PPP1R1C: variants seen among roughly 807,000 people sequenced by gnomAD.
PPP1R1C encodes protein phosphatase 1 regulatory subunit 1C.
PPP1R1C carries 15 observed loss-of-function variants against 17.4 expected under a neutral mutation model. That is an observed-to-expected ratio of 0.86 (90% CI 0.58 to 1.33). The LOEUF is 1.33. PPP1R1C is among the 40% of genes most tolerant of loss of function. The probability of loss-of-function intolerance (pLI) is 0.00; values close to 1 mark genes in which losing one functional copy is unlikely to be tolerated. For synonymous variants in PPP1R1C, 35 were observed against 43.1 expected (o/e 0.81, Z 0.73); for missense variants, 143 against 130.0 (o/e 1.10, Z -0.48).
chr2:182,066,432 T>C (rs1180397922), intron 4 of PPP1R1C, among the ~76,000 whole-genome samples: 1 of 152,146 alleles, frequency 6.6e-6, no homozygotes, highest in Non-Finnish European at 1.5e-5. Context: ...ATAACAAATG[T>C]ATGAAACAAA....
intron 1 of PPP1R1C, among the ~76,000 whole-genome samples, chr2:181,963,293 T>C (rs1378276229): frequency 1.3e-5 from 2 of 152,154 alleles, no homozygotes; most frequent in African/African-American, 2.4e-5. Context: ...AAAAACACTA[T>C]CCACATTTAA....
downstream of PPP1R1C, among the ~76,000 whole-genome samples, chr2:182,121,715 G>C (rs1367785318): frequency 6.6e-6 from 1 of 151,936 alleles, no homozygotes; most frequent in African/African-American, 2.4e-5. Flanking sequence ...TATTGTCCAG[G>C]ATGGTCTCGA....
rs1685350912 is a variant in PPP1R1C at position 181,987,891 on chromosome 2, A to AC, written c.140dup (p.Glu48ArgfsTer4). 1.2e-6 allele frequency: 2 copies of AC among 1,612,622 alleles called. No homozygotes were observed. The highest frequency in any genetic ancestry group is 1.7e-5 in the Admixed American group (1 of 59,896). ...TCACTTGTGATTCTCAATGAGCATA[A>AC]CCCCCCAGGTAAAGAAGCATGATGT... is the stretch of plus-strand genomic sequence containing the variant. On this transcript the variant is annotated frameshift_variant, in exon 2 of 5. Transcript: ENST00000682840. LOFTEE classifies it high-confidence loss of function.
At chr2:182,075,993 T>G (rs1038193825) in intron 4 of PPP1R1C, among the ~76,000 whole-genome samples, 2 of 151,918 alleles carry the variant, frequency 1.3e-5, no homozygotes, top group African/African-American at 4.8e-5. Flanking sequence ...ATTAAAGTAG[T>G]TTAAATGCTT....
intron 2 of PPP1R1C, among the ~76,000 whole-genome samples, chr2:181,992,968 G>A (rs1685510298): frequency 6.6e-6 from 1 of 151,944 alleles, no homozygotes; most frequent in Non-Finnish European, 1.5e-5. Context: ...TTCCAGAAAC[G>A]AAAAAGAAGC....
At chr2:181,990,540 A>G (rs1685447065) in intron 2 of PPP1R1C, among the ~76,000 whole-genome samples, 1 of 152,218 alleles carries the variant, frequency 6.6e-6, no homozygotes, top group South Asian at 2.1e-4. Flanking sequence ...TACCATGAAC[A>G]TGACTTAAAA....
chr2:182,062,439 C>T (rs975631270), intron 3 of PPP1R1C, among the ~76,000 whole-genome samples: 2 of 151,998 alleles, frequency 1.3e-5, no homozygotes, highest in Non-Finnish European at 2.9e-5. Flanking sequence ...TAAACTGATT[C>T]GTTCTCAAAA....
At chr2:182,032,752 A>T (rs1686884182) in intron 2 of PPP1R1C, among the ~76,000 whole-genome samples, 1 of 152,204 alleles carries the variant, frequency 6.6e-6, no homozygotes, top group African/African-American at 2.4e-5. Flanking sequence ...AAATGTTAAT[A>T]ATTCCACTAC....
chr2:182,094,759 T>C (rs1306663366), intron 4 of PPP1R1C, among the ~76,000 whole-genome samples: 1 of 152,170 alleles, frequency 6.6e-6, no homozygotes, highest in Non-Finnish European at 1.5e-5. Flanking sequence ...CCTTGAGCAG[T>C]AGGATATATA....
At chr2:182,069,076 C>G (rs891803858) in intron 4 of PPP1R1C, among the ~76,000 whole-genome samples, 3 of 152,162 alleles carry the variant, frequency 2.0e-5, no homozygotes, top group African/African-American at 7.2e-5. Context: ...CACTACATTC[C>G]TTTTATAAAC....
intron 2 of PPP1R1C, among the ~76,000 whole-genome samples, chr2:182,032,373 T>C (rs1686871330): frequency 6.6e-6 from 1 of 152,216 alleles, no homozygotes; most frequent in Admixed American, 6.5e-5. Flanking sequence ...CCCATTACTC[T>C]GCACTACTGG....
At chr2:181,988,166 G>A (rs1038145788) in intron 2 of PPP1R1C, among the ~76,000 whole-genome samples, 7 of 152,306 alleles carry the variant, frequency 4.6e-5, no homozygotes, top group African/African-American at 1.7e-4. Flanking sequence ...CATATGTTCA[G>A]GTGTTTGTAT....
At chr2:182,104,239 T>A (rs981418442) in intron 4 of PPP1R1C, among the ~76,000 whole-genome samples, 1 of 152,190 alleles carries the variant, frequency 6.6e-6, no homozygotes, top group Non-Finnish European at 1.5e-5. Context: ...TCCAATACTA[T>A]GTAGAATAGA....
chr2:181,975,487 C>A (rs1378681636), intron 2 of PPP1R1C, among the ~76,000 whole-genome samples: 1 of 151,864 alleles, frequency 6.6e-6, no homozygotes, highest in Non-Finnish European at 1.5e-5. Context: ...TCTCAGACAA[C>A]ACATTCATTT....
intron 4 of PPP1R1C, among the ~76,000 whole-genome samples, chr2:182,099,826 T>G (rs1689046235): frequency 6.6e-6 from 1 of 152,234 alleles, no homozygotes; most frequent in African/African-American, 2.4e-5. Context: ...GAAAGCTGAC[T>G]GACCATAAAT....
chr2:182,026,329 T>G (rs1300569528), intron 2 of PPP1R1C, among the ~76,000 whole-genome samples: 3 of 142,416 alleles, frequency 2.1e-5, no homozygotes, highest in African/African-American at 7.9e-5. Context: ...CTTCTCGGGT[T>G]TTTATGGTTT....
At chr2:182,131,018 T>A (rs1041261240), downstream of PPP1R1C, 4 of 152,198 alleles carry the variant, frequency 2.6e-5, no homozygotes, top group African/African-American at 9.6e-5. Context: ...TTTTTCAAAG[T>A]AAGTTTTTTG....
chr2:182,010,235 T>C (rs1686050730), intron 2 of PPP1R1C, among the ~76,000 whole-genome samples: 1 of 152,128 alleles, frequency 6.6e-6, no homozygotes, highest in Non-Finnish European at 1.5e-5. Context: ...TTAACAATAT[T>C]TGTTCTTCCA....
chr2:182,045,632 G>T (rs1687320470), intron 2 of PPP1R1C, among the ~76,000 whole-genome samples: 1 of 151,982 alleles, frequency 6.6e-6, no homozygotes, highest in African/African-American at 2.4e-5. Context: ...TCTAGTTAAA[G>T]AGAATGTTGC....
Sources: allele counts gnomAD v4.1 joint callset (sites outside exome capture counted in the v4.1 genomes callset), GRCh38; gene constraint gnomAD v4.1.1; transcripts MANE v1.5; gene names NCBI Gene and HGNC (gene_info 2026-07-23, HGNC 2026-07-21).